UNC5C: variants seen among roughly 807,000 people sequenced by gnomAD.
UNC5C encodes the protein unc-5 netrin receptor C, also known as netrin receptor UNC5C.
In UNC5C, 47 loss-of-function variants were observed where a neutral mutation model predicts 99.8. The ratio of observed to expected loss-of-function variants is 0.47; its 90% CI spans 0.37 to 0.60. The LOEUF is 0.60. Ranked by LOEUF, UNC5C falls within the 20% of genes least tolerant of loss-of-function variation. UNC5C has a pLI of 0.00. For missense variants in UNC5C, 1,062 were observed against 1,165.9 expected (o/e 0.91, Z 1.30); for synonymous variants, 487 against 452.2 (o/e 1.08, Z -0.98).
intron 1 of UNC5C, among the ~76,000 whole-genome samples, chr4:95,394,329 G>C (rs190410684): frequency 6.6e-6 from 1 of 151,930 alleles, no homozygotes; most frequent in East Asian, 1.9e-4. Flanking sequence ...CGAATGGGGG[G>C]TGCTAACTGT....
intron 4 of UNC5C, among the ~76,000 whole-genome samples, chr4:95,266,046 A>T (rs1740436404): frequency 6.6e-6 from 1 of 152,224 alleles, no homozygotes; most frequent in Admixed American, 6.5e-5. Context: ...TAGTGTCTCT[A>T]TTAAGAAGTA....
At chr4:95,194,714 T>C (rs1737305708) in intron 12 of UNC5C, among the ~76,000 whole-genome samples, 1 of 152,138 alleles carries the variant, frequency 6.6e-6, no homozygotes, top group Non-Finnish European at 1.5e-5. Context: ...TCCCGGATAA[T>C]CTCCTGAAAT....
chr4:95,175,850 G>C (rs557135669), intron 14 of UNC5C, among the ~76,000 whole-genome samples: 1 of 151,800 alleles, frequency 6.6e-6, no homozygotes, highest in South Asian at 2.1e-4. Flanking sequence ...TTCCAACTTG[G>C]TTCCATTCTC....
intron 1 of UNC5C, among the ~76,000 whole-genome samples, chr4:95,340,076 G>C (rs950059860): frequency 6.6e-6 from 1 of 151,844 alleles, no homozygotes; most frequent in Non-Finnish European, 1.5e-5. Context: ...TTATACCCAA[G>C]AAGAGAAAGC....
intron 10 of UNC5C, among the ~76,000 whole-genome samples, chr4:95,215,232 T>C (rs1455669447): frequency 6.6e-6 from 1 of 152,244 alleles, no homozygotes. Flanking sequence ...GCATTGTCAC[T>C]CATGCTTTAT....
At chr4:95,385,995 G>A (rs6831075) in intron 1 of UNC5C, among the ~76,000 whole-genome samples, 85,340 of 151,670 alleles carry the variant, frequency 0.56, 24,232 homozygotes, top group East Asian at 0.7. Context: ...GTATCTCCTG[G>A]CATTCGCTCT....
At chr4:95,227,292 T>C (rs1318680519) in intron 7 of UNC5C, among the ~76,000 whole-genome samples, 1 of 151,804 alleles carries the variant, frequency 6.6e-6, no homozygotes, top group African/African-American at 2.4e-5. Context: ...TGGGACCACA[T>C]ATCTGCACCA....
intron 7 of UNC5C, among the ~76,000 whole-genome samples, chr4:95,239,368 G>T (rs1447932916): frequency 3.3e-5 from 5 of 151,998 alleles, no homozygotes; most frequent in African/African-American, 1.2e-4. Flanking sequence ...GTCTTCCCTT[G>T]GCTGGTGGGC....
intron 2 of UNC5C, among the ~76,000 whole-genome samples, chr4:95,308,479 G>A (rs1742139965): frequency 6.6e-6 from 1 of 151,974 alleles, no homozygotes; most frequent in African/African-American, 2.4e-5. Context: ...AAGGCCAGGT[G>A]CGGTGGCTCA....
At chr4:95,370,662 T>C (rs1462410160) in intron 1 of UNC5C, among the ~76,000 whole-genome samples, 1 of 152,216 alleles carries the variant, frequency 6.6e-6, no homozygotes, top group East Asian at 1.9e-4. Context: ...ATTTGGCAGC[T>C]TGATTTGTGT....
chr4:95,245,186 G>T, intron 5 of UNC5C, 42 bp from the exon 6 acceptor site: 1 of 1,581,904 alleles, frequency 6.3e-7, no homozygotes, highest in Middle Eastern at 1.9e-4. Context: ...AAACATGTGT[G>T]CATGCACAAC....
chr4:95,313,132 G>A (rs926867669), intron 2 of UNC5C, among the ~76,000 whole-genome samples: 1 of 152,166 alleles, frequency 6.6e-6, no homozygotes, highest in Non-Finnish European at 1.5e-5. Flanking sequence ...TTCAGGAAGA[G>A]AGAATAGCAT....
intron 7 of UNC5C, among the ~76,000 whole-genome samples, chr4:95,236,308 T>A (rs929364336): frequency 7.2e-5 from 11 of 151,958 alleles, no homozygotes; most frequent in African/African-American, 2.7e-4. Flanking sequence ...CTGGAAACCA[T>A]CATTCTCAGC....
intron 2 of UNC5C, among the ~76,000 whole-genome samples, chr4:95,325,133 G>A (rs1187094191): frequency 2.0e-5 from 3 of 152,148 alleles, no homozygotes; most frequent in East Asian, 3.8e-4. Flanking sequence ...GTGAAACTAT[G>A]GGACAAAGCT....
intron 12 of UNC5C, among the ~76,000 whole-genome samples, chr4:95,191,830 A>T (rs1287560679): frequency 9.6e-6 from 1 of 104,074 alleles, no homozygotes; most frequent in Non-Finnish European, 1.9e-5. Context: ...TCTTCTGCTC[A>T]CCTTTCTCCT....
At chr4:95,395,615 T>G (rs1484908989) in intron 1 of UNC5C, among the ~76,000 whole-genome samples, 1 of 152,156 alleles carries the variant, frequency 6.6e-6, no homozygotes, top group Non-Finnish European at 1.5e-5. Flanking sequence ...AAAGTTTTCA[T>G]CTATATTACT....
chr4:95,239,521 C>T (rs556892988), intron 7 of UNC5C, among the ~76,000 whole-genome samples: 77 of 152,212 alleles, frequency 5.1e-4, no homozygotes, highest in Middle Eastern at 3.4e-3. Context: ...TTCCAGTCCC[C>T]GGGACCCATG....
intron 14 of UNC5C, among the ~76,000 whole-genome samples, chr4:95,180,185 A>ATATTC (rs1197037200): frequency 6.6e-6 from 1 of 152,216 alleles, no homozygotes; most frequent in Non-Finnish European, 1.5e-5. Context: ...GCCCAAGATA[A>ATATTC]TATTCTATAC....
In UNC5C at chr4:95,164,169, C is replaced by A. The variant is rs2149340461; in HGVS notation, c.*5065G>T. 6.9e-6 allele frequency: 1 copy of A among 145,186 alleles called. No individual in the cohort carries two copies. The highest frequency in any genetic ancestry group is 1.5e-5 in the Non-Finnish European group (1 of 65,360). The allele number at this position is 145,186 out of a possible 1,614,324, so 9.0% of individuals were successfully genotyped here. ...GAAGCTCATGGCTAGACTTAGTCTG[C>A]AGAGAAAACCCACCCAGTTCTACAC... On this transcript the variant is annotated 3_prime_UTR_variant, in exon 16 of 16. Transcript: ENST00000453304.
Sources: gnomAD v4.1 joint callset for allele counts (sites outside exome capture counted in the v4.1 genomes callset) on GRCh38, gnomAD v4.1.1 for gene constraint, MANE v1.5 for transcripts, NCBI Gene and HGNC (gene_info 2026-07-23, HGNC 2026-07-21) for gene names.